CTNND2: variants seen among roughly 807,000 people sequenced by gnomAD.
CTNND2 encodes catenin delta-2.
A neutral mutation model predicts 144.4 loss-of-function variants in CTNND2; 22 were observed. The ratio of observed to expected loss-of-function variants is 0.15; its 90% CI spans 0.11 to 0.22. The LOEUF is 0.22. Ranked by LOEUF, CTNND2 falls within the 10% of genes least tolerant of loss-of-function variation. CTNND2 has a pLI of 1.00. For synonymous variants in CTNND2, 751 were observed against 695.6 expected, an observed-to-expected ratio of 1.08 and a Z score of -1.25; for missense variants, 1,353 against 1,618.8, an observed-to-expected ratio of 0.84 and a Z score of 2.82.
At chr5:11,677,146 A>T (rs1784212545) in intron 2 of CTNND2, among the ~76,000 whole-genome samples, 1 of 152,200 alleles carries the variant, frequency 6.6e-6, no homozygotes, top group African/African-American at 2.4e-5. Context: ...GAGCAAACCA[A>T]CTTAAGAGTC....
intron 1 of CTNND2, among the ~76,000 whole-genome samples, chr5:11,836,607 A>G (rs935003783): frequency 6.6e-6 from 1 of 152,196 alleles, no homozygotes; most frequent in East Asian, 1.9e-4. Flanking sequence ...AGTACCCATA[A>G]AGAAATTCTC....
intron 9 of CTNND2, among the ~76,000 whole-genome samples, chr5:11,318,789 T>A (rs1310610518): frequency 6.6e-6 from 1 of 152,018 alleles, no homozygotes; most frequent in Non-Finnish European, 1.5e-5. Flanking sequence ...CCCACCTGCA[T>A]AAAAACATGC....
intron 1 of CTNND2, among the ~76,000 whole-genome samples, chr5:11,797,279 G>A (rs1307443230): frequency 6.6e-6 from 1 of 152,206 alleles, no homozygotes; most frequent in African/African-American, 2.4e-5. Flanking sequence ...CAGTGGGGAT[G>A]CTGCATTCCC....
chr5:11,812,389 A>T (rs565929432), intron 1 of CTNND2, among the ~76,000 whole-genome samples: 1 of 152,178 alleles, frequency 6.6e-6, no homozygotes, highest in African/African-American at 2.4e-5. Flanking sequence ...AAGCCAGGAA[A>T]CCATCCTATG....
At chr5:11,775,857 A>G (rs1002902066) in intron 1 of CTNND2, among the ~76,000 whole-genome samples, 2 of 152,334 alleles carry the variant, frequency 1.3e-5, no homozygotes, top group Middle Eastern at 3.4e-3. Flanking sequence ...ATATTGGATT[A>G]GAGTGGTGCT....
At chr5:11,231,372 T>C (rs1740993001) in intron 10 of CTNND2, among the ~76,000 whole-genome samples, 1 of 152,114 alleles carries the variant, frequency 6.6e-6, no homozygotes, top group African/African-American at 2.4e-5. Context: ...TATATAGAAG[T>C]ACAAAAGTTT....
chr5:11,755,420 T>C (rs762367804), intron 1 of CTNND2, among the ~76,000 whole-genome samples: 7 of 151,708 alleles, frequency 4.6e-5, no homozygotes, highest in Non-Finnish European at 8.9e-5. Flanking sequence ...ACTATGTGTC[T>C]TGTCGATGGT....
chr5:11,403,215 T>TC (rs1760783310), intron 5 of CTNND2, among the ~76,000 whole-genome samples: 1 of 152,104 alleles, frequency 6.6e-6, no homozygotes, highest in African/African-American at 2.4e-5. Context: ...CCTCTCATCC[T>TC]CCATCGGGCC....
At chr5:11,072,032 G>A (rs949776809) in intron 16 of CTNND2, among the ~76,000 whole-genome samples, 4 of 152,176 alleles carry the variant, frequency 2.6e-5, no homozygotes, top group African/African-American at 9.7e-5. Flanking sequence ...ATTTTAAGAG[G>A]AATAAGGTCA....
intron 1 of CTNND2, among the ~76,000 whole-genome samples, chr5:11,757,271 A>G (rs1221988762): frequency 6.6e-6 from 1 of 151,598 alleles, no homozygotes; most frequent in African/African-American, 2.4e-5. Flanking sequence ...TGTCTTCGAG[A>G]CCATTTCAGA....
At chr5:11,094,058 A>G (rs1246924397) in intron 15 of CTNND2, among the ~76,000 whole-genome samples, 2 of 152,200 alleles carry the variant, frequency 1.3e-5, no homozygotes, top group Admixed American at 1.3e-4. Context: ...TTGTATTTTG[A>G]TAAGAAATGT....
intron 17 of CTNND2, among the ~76,000 whole-genome samples, chr5:11,021,822 G>A (rs895798946): frequency 2.0e-5 from 3 of 151,916 alleles, no homozygotes; most frequent in Non-Finnish European, 4.4e-5. Context: ...TGGGGGGTGG[G>A]GGTGGCTTGG....
intron 10 of CTNND2, among the ~76,000 whole-genome samples, chr5:11,233,202 A>G (rs967042006): frequency 6.6e-6 from 1 of 152,208 alleles, no homozygotes; most frequent in African/African-American, 2.4e-5. Flanking sequence ...CAAGTTCACT[A>G]GAGCAGCAGG....
chr5:11,047,316 A>G (rs1346780263), intron 16 of CTNND2, among the ~76,000 whole-genome samples: 2 of 152,224 alleles, frequency 1.3e-5, no homozygotes, highest in Non-Finnish European at 2.9e-5. Context: ...GCAGGGACCC[A>G]ATCACATCAC....
chr5:11,144,431 T>C (rs1384319212), intron 12 of CTNND2, among the ~76,000 whole-genome samples: 1 of 152,110 alleles, frequency 6.6e-6, no homozygotes, highest in Non-Finnish European at 1.5e-5. Flanking sequence ...CCGGTCCACC[T>C]GCAGGCTACC....
At chr5:11,190,984 G>A (rs32273) in intron 11 of CTNND2, among the ~76,000 whole-genome samples, 4,810 of 152,286 alleles carry the variant, frequency 0.032, 239 homozygotes, top group African/African-American at 0.1. Context: ...TAGGAAGCAG[G>A]TTCAAGAGAA....
intron 9 of CTNND2, among the ~76,000 whole-genome samples, chr5:11,324,491 T>C (rs1752338430): frequency 6.6e-6 from 1 of 152,222 alleles, no homozygotes; most frequent in African/African-American, 2.4e-5. Context: ...ACTTTCCCTA[T>C]CAATTCCAAC....
At chr5:11,348,437 CAAAAAAAAAAA>C (rs3034056) in intron 8 of CTNND2, among the ~76,000 whole-genome samples, 4 of 114,722 alleles carry the variant, frequency 3.5e-5, no homozygotes, top group African/African-American at 9.6e-5. Context: ...AAATCAAGGG[CAAAAAAAAAAA>C]AAAAAAAAGA....
At chr5:11,621,230 T>C (rs1299486856) in intron 2 of CTNND2, among the ~76,000 whole-genome samples, 3 of 152,236 alleles carry the variant, frequency 2.0e-5, no homozygotes, top group Non-Finnish European at 2.9e-5. Flanking sequence ...AAAAGTAATT[T>C]TGTAATATGG....
Sources: allele counts gnomAD v4.1 joint callset (sites outside exome capture counted in the v4.1 genomes callset), GRCh38; gene constraint gnomAD v4.1.1; transcripts MANE v1.5; gene names NCBI Gene and HGNC (gene_info 2026-07-23, HGNC 2026-07-21).